ARHGEF9: variants seen among roughly 807,000 people sequenced by gnomAD.
ARHGEF9 encodes the protein Cdc42 guanine nucleotide exchange factor 9, also known as rho guanine nucleotide exchange factor 9.
A neutral mutation model predicts 41.3 loss-of-function variants in ARHGEF9; 2 were observed. The ratio of observed to expected loss-of-function variants is 0.05; its 90% CI spans 0.02 to 0.15. The LOEUF (loss-of-function observed/expected upper bound fraction) is 0.15, where lower values mean the gene tolerates loss of function less well. Ranked by LOEUF, ARHGEF9 falls within the 10% of genes least tolerant of loss-of-function variation. The probability of loss-of-function intolerance (pLI) is 1.00; values close to 1 mark genes in which losing one functional copy is unlikely to be tolerated. For synonymous variants in ARHGEF9, 160 were observed against 154.4 expected (o/e 1.04, Z -0.27); for missense variants, 225 against 424.7 (o/e 0.53, Z 4.13).
intron 7 of ARHGEF9, 82 bp downstream of exon 7, chrX:63,665,804 G>A: frequency 8.8e-7 from 1 of 1,132,374 alleles, no homozygotes; most frequent in Non-Finnish European, 1.2e-6. Flanking sequence ...CCACTTTGTT[G>A]GGAGCCTGGG....
chrX:63,769,494 G>GT (rs1187607346), intron 1 of ARHGEF9, among the ~76,000 whole-genome samples: 5 of 112,162 alleles, frequency 4.5e-5, no homozygotes, highest in Non-Finnish European at 9.4e-5. Context: ...AGAAATTTGC[G>GT]TAAGTAACAA....
chrX:63,747,106 G>A (rs782228297), intron 1 of ARHGEF9, among the ~76,000 whole-genome samples: 10 of 112,324 alleles, frequency 8.9e-5, no homozygotes, highest in South Asian at 3.7e-4. Context: ...ATCTGTACTC[G>A]TGTTGATCAT....
intron 1 of ARHGEF9, among the ~76,000 whole-genome samples, chrX:63,745,080 A>G (rs1556432046): frequency 1.1e-5 from 1 of 88,357 alleles, no homozygotes; most frequent in East Asian, 4.2e-4. Context: ...GGTTCAGCTA[A>G]AAGTAGCTAC....
At chrX:63,678,012 G>C (rs1556364545) in intron 5 of ARHGEF9, among the ~76,000 whole-genome samples, 1 of 111,476 alleles carries the variant, frequency 9.0e-6, no homozygotes, top group Non-Finnish European at 1.9e-5. Context: ...CAGTTGGTTT[G>C]GTTTACATCT....
intron 5 of ARHGEF9, 116 bp downstream of exon 5, chrX:63,678,224 T>C: frequency 1.6e-6 from 1 of 624,848 alleles, no homozygotes; most frequent in South Asian, 2.4e-5. Context: ...TGTATCATCC[T>C]GTTTTGCAGA....
intron 9 of ARHGEF9, among the ~76,000 whole-genome samples, chrX:63,643,132 A>G (rs2047748771): frequency 8.9e-6 from 1 of 112,260 alleles, no homozygotes; most frequent in African/African-American, 3.2e-5. Context: ...TTGGCTGAGC[A>G]TGATAGTTTT....
rs1460373631 is a variant in ARHGEF9, at chrX:63,636,301, T to C, written c.*1727A>G. ...GGCTTGCTCTTCACAGCAGAGTTCA[T>C]CCTTATTCCCTTATACCCTTTTTGT... On this transcript the variant is annotated 3_prime_UTR_variant, in exon 10 of 10. Transcript: ENST00000671741. The C allele has an allele frequency of 8.9e-6, 1 of 111,739 alleles. No homozygotes were observed. Among genetic ancestry groups the C allele is most frequent in the African/African-American group, 3.3e-5 (1 of 30,674 alleles). The allele number at this position is 111,739 out of a possible 1,213,427, so 9.2% of individuals were successfully genotyped here. A position where few individuals can be genotyped will look rare whatever the true frequency, so the allele number is the denominator to read the frequency against.
At chrX:63,643,720 A>AAT (rs1445133543) in intron 9 of ARHGEF9, among the ~76,000 whole-genome samples, 1 of 109,936 alleles carries the variant, frequency 9.1e-6, no homozygotes, top group African/African-American at 3.3e-5. Context: ...TTTTAAGTAA[A>AAT]AAAAAAAAAA....
chrX:63,700,799 C>T (rs781851842), intron 3 of ARHGEF9, among the ~76,000 whole-genome samples: 1 of 111,180 alleles, frequency 9.0e-6, no homozygotes, highest in East Asian at 2.9e-4. Flanking sequence ...GCAGGGGGAA[C>T]AAAAGGGGTC....
chrX:63,770,263 T>C (rs1305361032), intron 1 of ARHGEF9, among the ~76,000 whole-genome samples: 1 of 112,837 alleles, frequency 8.9e-6, no homozygotes, highest in African/African-American at 3.2e-5. Flanking sequence ...GTAACTGGAA[T>C]GTAAAGTATA....
At chrX:63,654,875 C>A (rs1178916841) in intron 8 of ARHGEF9, among the ~76,000 whole-genome samples, 1 of 111,903 alleles carries the variant, frequency 8.9e-6, no homozygotes, top group Non-Finnish European at 1.9e-5. Context: ...GCGTCTAAAT[C>A]CCACAGTTGG....
intron 1 of ARHGEF9, among the ~76,000 whole-genome samples, chrX:63,734,198 C>T (rs1221897496): frequency 7.2e-5 from 8 of 111,627 alleles, no homozygotes; most frequent in Admixed American, 4.8e-4. Flanking sequence ...GAATGATCCC[C>T]TTTAAAGAAA....
intron 2 of ARHGEF9, among the ~76,000 whole-genome samples, chrX:63,708,268 T>C (rs2052687233): frequency 8.9e-6 from 1 of 112,359 alleles, no homozygotes; most frequent in Admixed American, 9.4e-5. Flanking sequence ...AGCTAAACTC[T>C]GCTATGGAAA....
chrX:63,760,187 C>G (rs1266283167), intron 1 of ARHGEF9, among the ~76,000 whole-genome samples: 1 of 110,537 alleles, frequency 9.0e-6, no homozygotes, highest in East Asian at 2.9e-4. Flanking sequence ...AGGCAAAGTT[C>G]CATTTTTTTT....
intron 8 of ARHGEF9, among the ~76,000 whole-genome samples, chrX:63,653,264 G>A (rs1556331811): frequency 2.7e-5 from 3 of 111,568 alleles, no homozygotes; most frequent in African/African-American, 9.8e-5. Flanking sequence ...GCCCATGTCT[G>A]TGCCACTTCA....
intron 1 of ARHGEF9, among the ~76,000 whole-genome samples, chrX:63,736,738 T>G (rs1286924770): frequency 1.8e-5 from 2 of 112,032 alleles, no homozygotes; most frequent in Admixed American, 1.9e-4. Flanking sequence ...AGTAATTCTG[T>G]GAAATGACAG....
At chrX:63,775,307 C>G (rs781893357) in intron 1 of ARHGEF9, among the ~76,000 whole-genome samples, 21 of 112,593 alleles carry the variant, frequency 1.9e-4, no homozygotes, top group Non-Finnish European at 3.0e-4. Context: ...ACCATTTCAC[C>G]TAGCAATCCC....
At chrX:63,716,933 A>G (rs1323138809) in intron 2 of ARHGEF9, among the ~76,000 whole-genome samples, 2 of 112,313 alleles carry the variant, frequency 1.8e-5, no homozygotes, top group African/African-American at 6.5e-5. Context: ...TCCCGTATAT[A>G]GCATCTTTAT....
chrX:63,647,239 T>C (rs1303554219), intron 8 of ARHGEF9, among the ~76,000 whole-genome samples: 1 of 111,674 alleles, frequency 9.0e-6, no homozygotes, highest in African/African-American at 3.3e-5. Flanking sequence ...CCCTGCCTGA[T>C]TGCCCTGGCC....
Sources: gnomAD v4.1 joint callset for allele counts (sites outside exome capture counted in the v4.1 genomes callset) on GRCh38, gnomAD v4.1.1 for gene constraint, MANE v1.5 for transcripts, NCBI Gene and HGNC (gene_info 2026-07-23, HGNC 2026-07-21) for gene names.